The following CES5A variants were observed in gnomAD, a reference collection of about 807,000 sequenced individuals.
CES5A encodes carboxylesterase 5.
CES5A carries 67 observed loss-of-function variants against 62.9 expected under a neutral mutation model. The observed-to-expected ratio is 1.07, with a 90% CI of 0.88 to 1.31. The LOEUF (loss-of-function observed/expected upper bound fraction) is 1.31, where lower values mean the gene tolerates loss of function less well. Ranked by LOEUF, CES5A falls within the 50% of genes most tolerant of loss-of-function variation. The pLI is 0.00. For synonymous variants in CES5A, 296 were observed against 280.8 expected, an observed-to-expected ratio of 1.05 and a Z score of -0.54; for missense variants, 748 against 708.5, an observed-to-expected ratio of 1.06 and a Z score of -0.63.
At chr16:55,868,994 C>G (rs7499564) in intron 4 of CES5A, among the ~76,000 whole-genome samples, 104,671 of 152,204 alleles carry the variant, frequency 0.69, 37,403 homozygotes, top group East Asian at 0.9. Flanking sequence ...CATGTTAGGC[C>G]TGATTGGAGG....
intron 1 of CES5A, among the ~76,000 whole-genome samples, chr16:55,923,853 A>T (rs1269292461): frequency 6.6e-6 from 1 of 152,000 alleles, no homozygotes; most frequent in Non-Finnish European, 1.5e-5. Context: ...AAAGCATTTG[A>T]TAAAATTCAA....
At chr16:55,875,670 C>T (rs1248421238), upstream of CES5A, among the ~76,000 whole-genome samples, 10 of 152,212 alleles carry the variant, frequency 6.6e-5, no homozygotes, top group East Asian at 3.9e-4. Flanking sequence ...GCGAGTGGCT[C>T]TGAAGGCACA....
At chr16:55,880,440 G>C (rs1013890404) in intron 1 of CES5A, among the ~76,000 whole-genome samples, 1 of 152,076 alleles carries the variant, frequency 6.6e-6, no homozygotes, top group Non-Finnish European at 1.5e-5. Context: ...TCAGTCTCAG[G>C]AACACCCCCT....
intron 4 of CES5A, among the ~76,000 whole-genome samples, chr16:55,866,360 C>CA (rs2033460285): frequency 6.6e-6 from 1 of 152,116 alleles, no homozygotes; most frequent in African/African-American, 2.4e-5. Flanking sequence ...GCTGCAATTT[C>CA]AAGTATTCAC....
At chr16:55,950,286 T>A (rs1165282891) in intron 1 of CES5A, among the ~76,000 whole-genome samples, 2 of 152,182 alleles carry the variant, frequency 1.3e-5, no homozygotes, top group Non-Finnish European at 2.9e-5. Flanking sequence ...ATCTGAAGAC[T>A]AAATTGGACA....
chr16:55,864,954 C>T (rs1238865959), intron 5 of CES5A, among the ~76,000 whole-genome samples: 1 of 152,052 alleles, frequency 6.6e-6, no homozygotes, highest in Non-Finnish European at 1.5e-5. Context: ...CGCCTGTAAT[C>T]CCAGCACTTT....
At chr16:55,941,527 A>G (rs1366030927) in intron 2 of CES5A, among the ~76,000 whole-genome samples, 1 of 152,112 alleles carries the variant, frequency 6.6e-6, no homozygotes, top group African/African-American at 2.4e-5. Context: ...CATAGTTACA[A>G]TGTCAGTTCT....
intron 11 of CES5A, among the ~76,000 whole-genome samples, chr16:55,848,849 T>C (rs148860041): frequency 6.6e-6 from 1 of 152,334 alleles, no homozygotes; most frequent in African/African-American, 2.4e-5. Flanking sequence ...TCTTACTTTA[T>C]GGGGCTTATT....
intron 1 of CES5A, among the ~76,000 whole-genome samples, chr16:55,899,379 C>G (rs768666311): frequency 1.3e-5 from 2 of 152,198 alleles, no homozygotes; most frequent in Admixed American, 6.5e-5. Flanking sequence ...TCCTTCTGAG[C>G]TGGGAGCCAG....
chr16:55,859,092 A>C (rs1218883891), intron 8 of CES5A, among the ~76,000 whole-genome samples: 1 of 152,250 alleles, frequency 6.6e-6, no homozygotes, highest in African/African-American at 2.4e-5. Flanking sequence ...TGTTGAAAAA[A>C]TAAAATGATT....
chr16:55,874,294 A>G (rs1378825808), intron 1 of CES5A, among the ~76,000 whole-genome samples: 2 of 152,000 alleles, frequency 1.3e-5, no homozygotes, highest in Non-Finnish European at 2.9e-5. Flanking sequence ...TCCCCCATTC[A>G]CTCAGAAACC....
intron 1 of CES5A, among the ~76,000 whole-genome samples, chr16:55,919,901 A>G (rs1351532343): frequency 6.6e-6 from 1 of 152,172 alleles, no homozygotes; most frequent in Non-Finnish European, 1.5e-5. Context: ...GAGTCCTGAA[A>G]GGCAGCTATA....
At chr16:55,936,030 T>C (rs2034370846) in intron 2 of CES5A, among the ~76,000 whole-genome samples, 1 of 152,140 alleles carries the variant, frequency 6.6e-6, no homozygotes, top group Middle Eastern at 3.2e-3. Flanking sequence ...GTCCCCAAAG[T>C]AGGGAGCCCA....
At chr16:55,871,053 A>G (rs2033573322) in intron 3 of CES5A, among the ~76,000 whole-genome samples, 1 of 152,304 alleles carries the variant, frequency 6.6e-6, no homozygotes, top group South Asian at 2.1e-4. Context: ...CAGATCATGT[A>G]CTGTGCCTGG....
chr16:55,865,673 TG>T (rs2033442086), intron 5 of CES5A, among the ~76,000 whole-genome samples: 1 of 152,250 alleles, frequency 6.6e-6, no homozygotes. Context: ...ATTACCATTC[TG>T]GCAATTGAAT....
Position 55,935,248 on chromosome 16 carries a change from A to T in CES5A, c.160+14537T>A, listed in dbSNP as rs568522016. ...ATGAGCCACTCACTGTGCCTGGTCTAATGTTTCAATTTGAGTCCAAAAGGT... is the reference window on the plus strand; with the variant it reads ...ATGAGCCACTCACTGTGCCTGGTCTTATGTTTCAATTTGAGTCCAAAAGGT... On this transcript the variant is annotated intron_variant, in intron 2 of 13. Transcript: ENST00000521992. 5.3e-5 allele frequency among the ~76,000 whole-genome samples: 8 copies of T among 152,306 alleles called. No individual in the cohort carries two copies. The East Asian group carries it at 9.6e-4, about 18-fold the overall frequency.
chr16:55,884,036 C>T (rs1413119101), intron 1 of CES5A, among the ~76,000 whole-genome samples: 1 of 151,998 alleles, frequency 6.6e-6, no homozygotes, highest in African/African-American at 2.4e-5. Flanking sequence ...AATATTTGCT[C>T]AGTACACAGT....
rs553330022 is a variant in CES5A at position 55,934,557 on chromosome 16, G to A, written c.160+15228C>T. ...GACCCATAGTAGATTCTCAGTAAGG[G>A]TTAATTTACTATGACTTTGCCTCAA... On this transcript the variant is annotated intron_variant, in intron 2 of 13. Transcript: ENST00000521992. Among the ~76,000 whole-genome samples, 14 of 152,276 alleles carry A rather than the reference G, an allele frequency of 9.2e-5. No individual in the cohort carries two copies. The East Asian group carries it at 1.9e-3, about 21-fold the overall frequency.
upstream of CES5A, among the ~76,000 whole-genome samples, chr16:55,876,918 G>A (rs993221822): frequency 6.6e-6 from 1 of 152,188 alleles, no homozygotes; most frequent in Non-Finnish European, 1.5e-5. Flanking sequence ...AGAACAGAGT[G>A]AAACCACAAC....
Sources: gnomAD v4.1 joint callset for allele counts (sites outside exome capture counted in the v4.1 genomes callset) on GRCh38, gnomAD v4.1.1 for gene constraint, MANE v1.5 for transcripts, NCBI Gene and HGNC (gene_info 2026-07-23, HGNC 2026-07-21) for gene names.